ITGA6: variants seen among roughly 807,000 people sequenced by gnomAD.
ITGA6 encodes integrin subunit alpha 6, also known as integrin alpha-6.
A neutral mutation model predicts 133.6 loss-of-function variants in ITGA6; 63 were observed. The observed-to-expected ratio is 0.47, with a 90% CI of 0.38 to 0.58. The LOEUF (loss-of-function observed/expected upper bound fraction) is 0.58. Among genes scored for constraint, ITGA6 ranks in the 20% least tolerant of loss-of-function variants. ITGA6 has a pLI of 0.00. For missense variants in ITGA6, 1,068 were observed against 1,309.4 expected, an observed-to-expected ratio of 0.82 and a Z score of 2.85; for synonymous variants, 434 against 482.0, an observed-to-expected ratio of 0.90 and a Z score of 1.30.
chr2:172,462,507 C>G (rs1574355356), intron 1 of ITGA6, among the ~76,000 whole-genome samples: 1 of 152,334 alleles, frequency 6.6e-6, no homozygotes, highest in South Asian at 2.1e-4. Context: ...CTGCTGTCAT[C>G]TGCAGTAGCC....
rs749659576 is a variant in ITGA6, at chr2:172,491,088, T to G, written c.2744T>G (p.Phe915Cys). The stretch of plus-strand genomic sequence containing the variant: ...AAACAGATAGATGATAACAGAAAAT[T>G]TTCTTTATTTGCTGAAAGAAAATAC... ...TEKQIDDNRK[F>C]SLFAERKYQT... is the part of the protein sequence containing the mutation. The change falls in exon 21 of 26, where the codon TTT becomes TGT. Residue 915 changes from phenylalanine to cysteine, a missense_variant. By Grantham distance (205) the Phe-to-Cys change is radical. Coordinates refer to ENST00000684293, the MANE Select transcript of ITGA6 (RefSeq NM_000210.4). This position sits in a 1 kb window ranked among gnomAD's most constrained non-coding sequence, Gnocchi z 4.4. 1.3e-6 allele frequency: 2 copies of G among 1,589,192 alleles called. No individual in the cohort carries two copies. The highest frequency in any genetic ancestry group is 8.6e-7 in the Non-Finnish European group (1 of 1,157,428).
Position 172,493,180 on chromosome 2 carries a change from T to C in ITGA6, c.2988+1657T>C, listed in dbSNP as rs566249666. 2.8e-4 allele frequency among the ~76,000 whole-genome samples: 42 copies of C among 152,216 alleles called. 1 individual carries two copies. The highest frequency in any genetic ancestry group is 1.8e-4 in the Non-Finnish European group (12 of 67,982). On this transcript the variant is annotated intron_variant, in intron 23 of 25. Transcript: ENST00000684293. ...GCCTCAGCCTCCCAAAATGCTGGGA[T>C]TATAGGTGTGAGCCACTGCACCCAG...
chr2:172,442,866 T>G (rs1684600069), intron 1 of ITGA6, among the ~76,000 whole-genome samples: 1 of 152,130 alleles, frequency 6.6e-6, no homozygotes, highest in African/African-American at 2.4e-5. Flanking sequence ...TCATGACTTG[T>G]GGGCGCTGAT....
chr2:172,473,032 G>A (rs1016258241), intron 5 of ITGA6: 3 of 615,220 alleles, frequency 4.9e-6, no homozygotes, highest in African/African-American at 1.8e-5. Context: ...CATGGCTGGG[G>A]CTCTGTGGCC....
At chr2:172,478,560 C>T (rs764426222) in intron 9 of ITGA6, among the ~76,000 whole-genome samples, 1 of 152,186 alleles carries the variant, frequency 6.6e-6, no homozygotes, top group Non-Finnish European at 1.5e-5. Flanking sequence ...GGGCCACAGA[C>T]CCGTGGAGAC....
chr2:172,448,553 T>C (rs1486131791), intron 1 of ITGA6, among the ~76,000 whole-genome samples: 1 of 152,246 alleles, frequency 6.6e-6, no homozygotes, highest in African/African-American at 2.4e-5. Context: ...TAGGAGATGA[T>C]AGCTGTTGGG....
chr2:172,427,491 C>G (rs1229478056), upstream of ITGA6: 52 of 902,134 alleles, frequency 5.8e-5, no homozygotes, highest in Non-Finnish European at 6.7e-5. Context: ...GGCGGTGCGC[C>G]GGGCCGCGGG....
intron 1 of ITGA6, among the ~76,000 whole-genome samples, chr2:172,435,953 G>T (rs934626045): frequency 1.3e-5 from 2 of 152,096 alleles, no homozygotes; most frequent in Admixed American, 6.5e-5. Flanking sequence ...AAAAGGAAGA[G>T]TTCAAAGAGG....
intron 1 of ITGA6, among the ~76,000 whole-genome samples, chr2:172,447,432 T>G (rs1361644520): frequency 1.3e-5 from 2 of 152,166 alleles, no homozygotes; most frequent in African/African-American, 2.4e-5. Flanking sequence ...CTCGAACTCC[T>G]GATCTCAAGT....
chr2:172,475,447 G>GAGC lies in ITGA6; in HGVS notation c.1181-149_1181-147dup, dbSNP rs571101453. ...CATTGCACTCCAGCCTGGGCAACAG[G>GAGC]AGCGAAACTCCATCTCAAAAAAAAC... On this transcript the variant is annotated intron_variant, in intron 7 of 25. Coordinates refer to ENST00000684293, the MANE Select transcript of ITGA6 (RefSeq NM_000210.4). 171 of 663,932 alleles carry GAGC rather than the reference G, an allele frequency of 2.6e-4. 2 individuals are homozygous for GAGC. The South Asian group carries it at 2.9e-3, about 11-fold the overall frequency. 41.1% of individuals were successfully genotyped at this position (663,932 alleles called of 1,614,324 possible).
intron 1 of ITGA6, among the ~76,000 whole-genome samples, chr2:172,447,935 T>G (rs1224860193): frequency 6.6e-6 from 1 of 152,176 alleles, no homozygotes; most frequent in Non-Finnish European, 1.5e-5. Context: ...GTTCCTTTAC[T>G]GCATGAGCTC....
chr2:172,438,713 A>G (rs1260890473), intron 1 of ITGA6, among the ~76,000 whole-genome samples: 1 of 151,764 alleles, frequency 6.6e-6, no homozygotes, highest in South Asian at 2.1e-4. Context: ...TTAAAGTAAA[A>G]TATGAACATA....
intron 11 of ITGA6, among the ~76,000 whole-genome samples, chr2:172,482,919 C>T (rs2149063306): frequency 6.6e-6 from 1 of 152,322 alleles, no homozygotes; most frequent in East Asian, 1.9e-4. Flanking sequence ...CACTTCTGTT[C>T]ATCTGTTCCA....
rs557643432 is a variant in ITGA6 at position 172,494,084 on chromosome 2, A to C, written c.2988+2561A>C. 2.0e-5 allele frequency among the ~76,000 whole-genome samples: 3 copies of C among 152,318 alleles called. No individual in the cohort carries two copies. In the South Asian group the frequency reaches 6.2e-4, roughly 32 times the overall value. On this transcript the variant is annotated intron_variant, in intron 23 of 25. Transcript: ENST00000684293. The stretch of plus-strand genomic sequence containing the variant: ...TTTTCTGTTTTCTGTGATTTCTGAC[A>C]TACAATAGCTCAGATGTCATATCTG...
At chr2:172,496,231 CAG>C (rs1480243689) in intron 23 of ITGA6, among the ~76,000 whole-genome samples, 1 of 152,148 alleles carries the variant, frequency 6.6e-6, no homozygotes, top group Non-Finnish European at 1.5e-5. Context: ...TCTTCCCTGT[CAG>C]GGGAGGGAAG....
intron 23 of ITGA6, 147 bp from the exon 24 acceptor site, chr2:172,497,828 G>A: frequency 1.3e-6 from 1 of 790,954 alleles, no homozygotes; most frequent in South Asian, 1.4e-5. Context: ...TCTGTTAAGA[G>A]AAAGGATCTT....
In ITGA6 at chr2:172,498,151, TAAAA is replaced by T. The variant is rs1687206789; in HGVS notation, c.3114+54_3114+57del. 1.9e-6 allele frequency: 3 copies of T among 1,561,576 alleles called. No homozygotes were observed. In the East Asian group the frequency reaches 6.7e-5, roughly 35 times the overall value. ...TCATAACAAACTTTATTTCATGTTTTAAAAAATGGGAATCAGCACTGATAGTACG... is the reference window on the plus strand; with the variant it reads ...TCATAACAAACTTTATTTCATGTTTTAATGGGAATCAGCACTGATAGTACG... On this transcript the variant is annotated intron_variant, in intron 24 of 25. Coordinates refer to ENST00000684293, the MANE Select transcript of ITGA6 (RefSeq NM_000210.4).
intron 2 of ITGA6, chr2:172,466,095 A>G (rs1685661019): frequency 7.2e-6 from 2 of 278,984 alleles, no homozygotes; most frequent in South Asian, 7.1e-5. Context: ...TAACAGAGAT[A>G]AAGTTTTCCC....
intron 2 of ITGA6, among the ~76,000 whole-genome samples, chr2:172,466,788 A>G (rs1239020303): frequency 3.6e-5 from 4 of 111,420 alleles, no homozygotes; most frequent in African/African-American, 1.2e-4. Context: ...AAGTTGTTTA[A>G]TGTTTTTGTA....
Sources: allele counts gnomAD v4.1 joint callset (sites outside exome capture counted in the v4.1 genomes callset), GRCh38; gene constraint gnomAD v4.1.1; non-coding constraint Gnocchi (gnomAD v3.1); transcripts MANE v1.5; gene names NCBI Gene and HGNC (gene_info 2026-07-23, HGNC 2026-07-21).